The following LIMCH1 variants were observed in gnomAD, a reference collection of about 807,000 sequenced individuals.
LIMCH1 encodes LIM and calponin homology domains 1.
Under a neutral mutation model 176.5 loss-of-function variants are expected in LIMCH1, and 113 were observed. The ratio of observed to expected loss-of-function variants is 0.64; its 90% CI spans 0.55 to 0.75. LIMCH1 has a LOEUF of 0.75. Ranked by LOEUF, LIMCH1 falls within the 30% of genes least tolerant of loss-of-function variation. The pLI is 0.00. For missense variants in LIMCH1, 1,674 were observed against 1,814.9 expected, an observed-to-expected ratio of 0.92 and a Z score of 1.41; for synonymous variants, 619 against 645.9, an observed-to-expected ratio of 0.96 and a Z score of 0.63.
intron 1 of LIMCH1, among the ~76,000 whole-genome samples, chr4:41,410,093 T>C (rs1316471682): frequency 6.6e-6 from 1 of 152,216 alleles, no homozygotes; most frequent in East Asian, 1.9e-4. Flanking sequence ...CAAATCCTTT[T>C]ATGTAAACTG....
At chr4:41,689,690 C>A in intron 30 of LIMCH1, 55 bp downstream of exon 30, 2 of 1,137,946 alleles carry the variant, frequency 1.8e-6, no homozygotes, top group South Asian at 1.2e-5. Context: ...CTTTTGGCAT[C>A]GTTCCGTGCT....
chr4:41,426,290 G>A (rs956625916), intron 1 of LIMCH1, among the ~76,000 whole-genome samples: 1 of 152,084 alleles, frequency 6.6e-6, no homozygotes, highest in Non-Finnish European at 1.5e-5. Context: ...CAAAGTGCTG[G>A]GATTACAGGC....
chr4:41,675,248 G>A (rs929819668), intron 22 of LIMCH1, among the ~76,000 whole-genome samples: 3 of 149,508 alleles, frequency 2.0e-5, no homozygotes, highest in East Asian at 2.0e-4. Flanking sequence ...CAGCCCACCC[G>A]CCATGCACCT....
chr4:41,396,715 A>G (rs541147008), intron 1 of LIMCH1, among the ~76,000 whole-genome samples: 3 of 152,096 alleles, frequency 2.0e-5, no homozygotes, highest in Admixed American at 6.5e-5. Context: ...AGCCTGGCCA[A>G]CATGGTGAAA....
At chr4:41,376,306 T>A (rs1429980206) in intron 1 of LIMCH1, among the ~76,000 whole-genome samples, 1 of 152,244 alleles carries the variant, frequency 6.6e-6, no homozygotes, top group Non-Finnish European at 1.5e-5. Flanking sequence ...TTGACATTTG[T>A]GTTTTTAAAG....
intron 1 of LIMCH1, among the ~76,000 whole-genome samples, chr4:41,463,688 A>C (rs781169056): frequency 6.6e-6 from 1 of 150,404 alleles, no homozygotes; most frequent in African/African-American, 2.4e-5. Flanking sequence ...CGATGCTTCC[A>C]CCTCAGCACC....
intron 17 of LIMCH1, among the ~76,000 whole-genome samples, chr4:41,649,691 A>G (rs946853551): frequency 6.6e-5 from 10 of 152,228 alleles, no homozygotes; most frequent in Non-Finnish European, 1.3e-4. Context: ...TCAAATTTCA[A>G]GACCGAGATT....
intron 1 of LIMCH1, among the ~76,000 whole-genome samples, chr4:41,552,840 T>C (rs1301678425): frequency 6.6e-6 from 1 of 152,188 alleles, no homozygotes; most frequent in Non-Finnish European, 1.5e-5. Context: ...AGACAGACTT[T>C]AAGAATTATG....
At chr4:41,646,339 T>TA in intron 16 of LIMCH1, 59 bp downstream of exon 16, 2 of 1,501,944 alleles carry the variant, frequency 1.3e-6, no homozygotes, top group Non-Finnish European at 1.8e-6. Context: ...TTTTTTTTTC[T>TA]AAAAATTATT....
intron 1 of LIMCH1, among the ~76,000 whole-genome samples, chr4:41,595,267 T>C (rs751987003): frequency 9.9e-5 from 15 of 152,062 alleles, no homozygotes; most frequent in East Asian, 7.7e-4. Context: ...AAGAACATCA[T>C]AGAGAAAGAG....
Position 41,412,109 on chromosome 4 carries a change from G to A in LIMCH1, c.96+51173G>A, listed in dbSNP as rs2059549321. ...CAACTAAGTTCCCTTTTAAAAAAATGTTTTCTTCTGTATTAAGGCTGTGAC... is the reference window on the plus strand; with the variant it reads ...CAACTAAGTTCCCTTTTAAAAAAATATTTTCTTCTGTATTAAGGCTGTGAC... On this transcript the variant is annotated intron_variant, in intron 1 of 26. Coordinates refer to the LIMCH1 transcript ENST00000313860. 1.3e-5 allele frequency among the ~76,000 whole-genome samples: 2 copies of A among 151,768 alleles called. 1 individual carries two copies. Among genetic ancestry groups the A allele is most frequent in the African/African-American group, 4.8e-5 (2 of 41,340 alleles).
At chr4:41,426,114 C>T (rs374667523) in intron 1 of LIMCH1, among the ~76,000 whole-genome samples, 4 of 149,100 alleles carry the variant, frequency 2.7e-5, no homozygotes, top group Non-Finnish European at 4.5e-5. Context: ...TTCCGCCTCC[C>T]GGGTTCACGC....
In LIMCH1 at chr4:41,661,466, A is replaced by G; in HGVS notation, c.3083A>G (p.Asp1028Gly). Residue 1028 changes from aspartate to glycine, a missense_variant, in exon 19 of 32, where the codon GAT becomes GGT. This residue lies in a region of LIMCH1 where 1,015 missense variants were observed against 1,102.5 expected (regional missense o/e 0.92). Transcript: ENST00000503057. ...CCGAATAGTCAAGAGGACAAGAATG[A>G]TGGTGGAAAATCAAGAAAAGGGAAT... is the stretch of plus-strand genomic sequence containing the variant. The part of the protein sequence containing the change: ...TEPNSQEDKN[D>G]GGKSRKGNIE... 2 of 1,613,368 alleles carry G rather than the reference A, an allele frequency of 1.2e-6. No individual in the cohort carries two copies. The highest frequency in any genetic ancestry group is 1.7e-6 in the Non-Finnish European group (2 of 1,179,704).
chr4:41,661,828 G>A, intron 19 of LIMCH1: 1 of 380,848 alleles, frequency 2.6e-6, no homozygotes, highest in Non-Finnish European at 4.8e-6. Context: ...GTAGGATTTT[G>A]ACACACAGTA....
At chr4:41,459,996 A>G (rs1332626195) in intron 1 of LIMCH1, among the ~76,000 whole-genome samples, 3 of 152,114 alleles carry the variant, frequency 2.0e-5, no homozygotes, top group Non-Finnish European at 2.9e-5. Flanking sequence ...CTGATGGATG[A>G]ATATCAGTGA....
chr4:41,607,132 G>A (rs2090838945), intron 4 of LIMCH1, among the ~76,000 whole-genome samples: 1 of 152,114 alleles, frequency 6.6e-6, no homozygotes, highest in Non-Finnish European at 1.5e-5. Context: ...CCACATTAGA[G>A]GACAAATAAT....
intron 1 of LIMCH1, among the ~76,000 whole-genome samples, chr4:41,425,791 A>G (rs1270389428): frequency 6.6e-6 from 1 of 152,114 alleles, no homozygotes; most frequent in Non-Finnish European, 1.5e-5. Flanking sequence ...TGACAAACAC[A>G]TTTCTTCCCT....
At chr4:41,636,119 C>T (rs1384064126) in intron 13 of LIMCH1, among the ~76,000 whole-genome samples, 1 of 152,006 alleles carries the variant, frequency 6.6e-6, no homozygotes, top group Non-Finnish European at 1.5e-5. Flanking sequence ...CTATGTTGCC[C>T]AGGCTGGTCT....
At chr4:41,684,573 A>T in intron 27 of LIMCH1, 55 bp downstream of exon 27, 1 of 1,594,106 alleles carries the variant, frequency 6.3e-7, no homozygotes, top group Non-Finnish European at 8.6e-7. Flanking sequence ...TAAGACCCCC[A>T]CATTGTCCAG....
Sources: allele counts gnomAD v4.1 joint callset (sites outside exome capture counted in the v4.1 genomes callset), GRCh38; gene constraint gnomAD v4.1.1; regional missense constraint gnomAD v4.1.1; transcripts MANE v1.5; gene names NCBI Gene and HGNC (gene_info 2026-07-23, HGNC 2026-07-21).